Variants in MMEL1 observed in about 807,000 individuals in gnomAD.
MMEL1 encodes the protein membrane metalloendopeptidase like 1.
A neutral mutation model predicts 117.1 loss-of-function variants in MMEL1; 98 were observed. The observed-to-expected ratio is 0.84, with a 90% CI of 0.71 to 0.99. MMEL1 has a LOEUF of 0.99. MMEL1 is among the 50% of genes least tolerant of loss of function. MMEL1 has a pLI of 0.00. For synonymous variants in MMEL1, 390 were observed against 415.1 expected (o/e 0.94, Z 0.74); for missense variants, 1,014 against 1,049.1 (o/e 0.97, Z 0.46).
At chr1:2,617,193 C>T (rs576701502) in intron 2 of MMEL1, among the ~76,000 whole-genome samples, 32 of 151,846 alleles carry the variant, frequency 2.1e-4, no homozygotes, top group African/African-American at 7.7e-4. Flanking sequence ...TTTGGGAGGC[C>T]GAGGCGGGCG....
At chr1:2,601,785 A>G (rs1484099074) in intron 11 of MMEL1, among the ~76,000 whole-genome samples, 1 of 152,260 alleles carries the variant, frequency 6.6e-6, no homozygotes, top group Non-Finnish European at 1.5e-5. Flanking sequence ...GCATTGGCCA[A>G]TTGACAGGAG....
chr1:2,598,829 G>C, intron 11 of MMEL1, 39 bp from the exon 12 acceptor site: 2 of 1,560,176 alleles, frequency 1.3e-6, no homozygotes, highest in Non-Finnish European at 8.8e-7. Flanking sequence ...GGGAGAGAGA[G>C]AGAGGGAGAA....
chr1:2,595,241 TGG>T lies in MMEL1; in HGVS notation c.1584+33_1584+34del, dbSNP rs1557521519. 1.3e-6 allele frequency: 2 copies of T among 1,579,322 alleles called. No individual in the cohort carries two copies. Among genetic ancestry groups the T allele is most frequent in the Non-Finnish European group, 1.7e-6 (2 of 1,150,390 alleles). On this transcript the variant is annotated intron_variant, in intron 16 of 23. Transcript: ENST00000378412. This position sits in a 1 kb window ranked among gnomAD's most constrained non-coding sequence, Gnocchi z 4.8. ...GCAATCAGGGCCCATGTCCACGGTG[TGG>T]GGGGCAGTTTAGGGCTGGGGTTGGG...
At chr1:2,604,123 C>T in intron 10 of MMEL1, 24 bp downstream of exon 10, 130 of 986,882 alleles carry the variant, frequency 1.3e-4, no homozygotes, top group Non-Finnish European at 1.9e-4. Context: ...GCTGCCCGCT[C>T]CCCACCCGCC....
chr1:2,615,091 G>T (rs930718292), intron 2 of MMEL1, among the ~76,000 whole-genome samples: 4 of 152,124 alleles, frequency 2.6e-5, no homozygotes, highest in South Asian at 2.1e-4. Context: ...GAGAATAGAT[G>T]AATCTCTCAT....
chr1:2,600,066 C>T (rs6681973), intron 11 of MMEL1, among the ~76,000 whole-genome samples: 81,877 of 151,440 alleles, frequency 0.54, 23,701 homozygotes, highest in Non-Finnish European at 0.66. Flanking sequence ...CCCCTGGGTT[C>T]AAGCAATTCT....
At position 2,604,245 on chromosome 1, in the gene MMEL1, C is replaced by T. The variant is rs775867777; in HGVS notation, c.853G>A (p.Ala285Thr). ...TTTGCATCCTCCCGCAGCAACGTGG[C>T]CACTGACACCATGAACTGCAGGTAG... The part of the protein sequence containing the change: ...EAYLQFMVSV[A>T]TLLREDANLP... The change falls in exon 10 of 24, where the codon GCC (alanine) becomes ACC (threonine). Residue 285 changes from alanine to threonine, a missense_variant. By Grantham distance (58) the Ala-to-Thr change is moderately conservative. Coordinates refer to ENST00000378412, the MANE Select transcript of MMEL1 (RefSeq NM_033467.4). 138 of 1,612,732 alleles carry T rather than the reference C, an allele frequency of 8.6e-5. No homozygotes were observed. The highest frequency in any genetic ancestry group is 1.1e-4 in the Non-Finnish European group (135 of 1,179,972).
chr1:2,601,179 T>C (rs527317978), intron 11 of MMEL1, among the ~76,000 whole-genome samples: 4 of 152,322 alleles, frequency 2.6e-5, no homozygotes, highest in East Asian at 1.9e-4. Context: ...AAAGTTGAAA[T>C]ATATACTCTA....
In MMEL1 at chr1:2,612,130, G is replaced by A. The variant is rs760798061; in HGVS notation, c.229C>T (p.Arg77Ter). 18 of 1,577,362 alleles carry A rather than the reference G, an allele frequency of 1.1e-5. No homozygotes were observed. The highest frequency in any genetic ancestry group is 1.8e-5 in the Admixed American group (1 of 54,794). The change falls in exon 3 of 24, where the codon CGA (arginine) becomes TGA (stop). Residue 77 changes from arginine (R) to a stop codon, truncating the protein, a stop_gained. Coordinates refer to ENST00000378412, the MANE Select transcript of MMEL1 (RefSeq NM_033467.4). LOFTEE classifies it high-confidence loss of function. This position sits in a 1 kb window ranked among gnomAD's most constrained non-coding sequence, Gnocchi z 5.4. ...TGGAAGGGAAGGCAAAGGCTACCTCGGGGTTTTCGTTTTACAAAGGTCCTC... is the reference window on the plus strand; with the variant it reads ...TGGAAGGGAAGGCAAAGGCTACCTCAGGGTTTTCGTTTTACAAAGGTCCTC... ...EERTFVKRKP[R>*]GIPEAQEVSE...
rs928477059 is a variant in MMEL1, at chr1:2,612,013, C to T, written c.232+114G>A. On this transcript the variant is annotated intron_variant, in intron 3 of 23. Transcript: ENST00000378412. This position sits in a 1 kb window ranked among gnomAD's most constrained non-coding sequence, Gnocchi z 5.4. The stretch of plus-strand genomic sequence containing the variant: ...CTGTCCTCTCCCCATGGCCCTCCTC[C>T]GGCACATGAGGGTTGGGCAGAACCC... 88 of 911,274 alleles carry T rather than the reference C, an allele frequency of 9.7e-5. No individual in the cohort carries two copies. The highest frequency in any genetic ancestry group is 1.3e-4 in the Non-Finnish European group (77 of 577,936). The allele number at this position is 911,274 out of a possible 1,614,324, so 56.4% of individuals were successfully genotyped here.
chr1:2,593,714 G>T, intron 19 of MMEL1, 100 bp downstream of exon 19: 1 of 1,422,212 alleles, frequency 7.0e-7, no homozygotes. Context: ...TGTCCCCACT[G>T]AAACCGTGAA....
chr1:2,600,540 A>G (rs114934862), intron 11 of MMEL1, among the ~76,000 whole-genome samples: 81,589 of 151,142 alleles, frequency 0.54, 23,605 homozygotes, highest in Non-Finnish European at 0.66. Context: ...TTCTGGGAAA[A>G]AAAAAAAAAT....
intron 2 of MMEL1, among the ~76,000 whole-genome samples, chr1:2,621,025 C>T (rs1645281919): frequency 6.6e-6 from 1 of 152,172 alleles, no homozygotes; most frequent in Non-Finnish European, 1.5e-5. Context: ...TGGCTCACAC[C>T]TATAATCCCA....
At chr1:2,610,740 C>T (rs958021649) in intron 4 of MMEL1, among the ~76,000 whole-genome samples, 6 of 152,210 alleles carry the variant, frequency 3.9e-5, no homozygotes, top group African/African-American at 1.4e-4. Context: ...CGACCAAGAA[C>T]CGTCCCTCAA....
At position 2,606,960 on chromosome 1, in the gene MMEL1, A is replaced by G; in HGVS notation, c.631+14T>C. 6.2e-7 allele frequency: 1 copy of G among 1,609,364 alleles called. No individual in the cohort carries two copies. The highest frequency in any genetic ancestry group is 8.5e-7 in the Non-Finnish European group (1 of 1,178,350). The stretch of plus-strand genomic sequence containing the variant: ...TTTGTCTGTCTGTGAGGCTGCTGCC[A>G]GGCCCGGCCTTACCTACGGTCTCGT... On this transcript the variant is annotated intron_variant, in intron 7 of 23. Coordinates refer to ENST00000378412, the MANE Select transcript of MMEL1 (RefSeq NM_033467.4).
At position 2,592,883 on chromosome 1, in the gene MMEL1, T is replaced by C. The variant is rs754655565; in HGVS notation, c.1951A>G (p.Met651Val). The C allele has an allele frequency of 1.9e-6, 3 of 1,613,808 alleles. No homozygotes were observed. The highest frequency in any genetic ancestry group is 4.5e-5 in the East Asian group (2 of 44,816). The change falls in exon 20 of 24, where the codon ATG (methionine) becomes GTG (valine). Residue 651 changes from methionine to valine, a missense_variant. Coordinates refer to ENST00000378412, the MANE Select transcript of MMEL1 (RefSeq NM_033467.4). Reference protein sequence around the residue: ...TQHFREQSECMIYQYGNYSWD... With the variant: ...TQHFREQSECVIYQYGNYSWD... ...GAGTAGTTGCCGTACTGGTAGATCA[T>C]GCACTCTGACTGCTCCCGGAAGTGC...
At position 2,595,477 on chromosome 1, in the gene MMEL1, T is replaced by C. The variant is rs1644820102; in HGVS notation, c.1501-118A>G. Reference sequence around the variant, plus strand: ...TCAGCCCGGGGCATCCTGGCTGTGCTCTCCCTGTCCTGTGGTGAGGGGCTG... The same window carrying C: ...TCAGCCCGGGGCATCCTGGCTGTGCCCTCCCTGTCCTGTGGTGAGGGGCTG... On this transcript the variant is annotated intron_variant, in intron 15 of 23. Coordinates refer to ENST00000378412, the MANE Select transcript of MMEL1 (RefSeq NM_033467.4). This position sits in a 1 kb window ranked among gnomAD's most constrained non-coding sequence, Gnocchi z 4.8. The C allele has an allele frequency of 3.6e-6, 3 of 828,010 alleles. No individual in the cohort carries two copies. The allele number at this position is 828,010 out of a possible 1,614,324, so 51.3% of individuals were successfully genotyped here.
chr1:2,594,183 C>T, intron 18 of MMEL1: 4 of 784,106 alleles, frequency 5.1e-6, no homozygotes, highest in East Asian at 2.7e-5. Context: ...AGGCTCTGGG[C>T]CGCCTGCCAA....
chr1:2,617,951 T>C (rs1013582605), intron 2 of MMEL1, among the ~76,000 whole-genome samples: 2 of 152,268 alleles, frequency 1.3e-5, no homozygotes, highest in Non-Finnish European at 2.9e-5. Context: ...TGTTCTTTTA[T>C]ATTTGCTTGA....
Sources: allele counts gnomAD v4.1 joint callset (sites outside exome capture counted in the v4.1 genomes callset), GRCh38; gene constraint gnomAD v4.1.1; non-coding constraint Gnocchi (gnomAD v3.1); transcripts MANE v1.5; gene names NCBI Gene and HGNC (gene_info 2026-07-23, HGNC 2026-07-21).